The following PRELID2 variants were observed in gnomAD, a reference collection of about 807,000 sequenced individuals.
PRELID2 encodes the protein PRELI domain containing 2.
PRELID2 carries 25 observed loss-of-function variants against 28.4 expected under a neutral mutation model. The ratio of observed to expected loss-of-function variants is 0.88; its 90% CI spans 0.64 to 1.23. The LOEUF is 1.23. Ranked by LOEUF, PRELID2 falls within the 50% of genes most tolerant of loss-of-function variation. The probability of loss-of-function intolerance (pLI) is 0.00; values close to 1 mark genes in which losing one functional copy is unlikely to be tolerated. For missense variants in PRELID2, 201 were observed against 214.4 expected, an observed-to-expected ratio of 0.94 and a Z score of 0.39; for synonymous variants, 76 against 71.6, an observed-to-expected ratio of 1.06 and a Z score of -0.31.
intron 1 of PRELID2, among the ~76,000 whole-genome samples, chr5:145,602,317 T>C (rs1753410093): frequency 1.3e-5 from 2 of 152,224 alleles, no homozygotes; most frequent in South Asian, 4.1e-4. Context: ...TGGAAGGAAT[T>C]AATGCTAAAA....
chr5:145,358,757 G>C, the PRELID2 span, among the ~76,000 whole-genome samples: 76 of 152,256 alleles, frequency 5.0e-4, no homozygotes, highest in African/African-American at 1.8e-3. Context: ...AGTAGAAAGA[G>C]GTCTTGATTT....
At chr5:145,705,092 C>T (rs1237452947) in intron 1 of PRELID2, among the ~76,000 whole-genome samples, 1 of 152,102 alleles carries the variant, frequency 6.6e-6, no homozygotes, top group Non-Finnish European at 1.5e-5. Context: ...TAATGTCTAA[C>T]TCACTCGGAG....
In PRELID2 at chr5:145,601,262, G is replaced by C. The variant is rs544312236; in HGVS notation, n.71-127947C>G. ...TTTAGAGGATTTTCACAGCAGATTAGAAACAGTTGATGAAAAAACTGAAAT... is the reference window on the plus strand; with the variant it reads ...TTTAGAGGATTTTCACAGCAGATTACAAACAGTTGATGAAAAAACTGAAAT... On this transcript the variant is annotated intron_variant and non_coding_transcript_variant, in intron 1 of 2. Coordinates refer to the PRELID2 transcript ENST00000510259. 3.9e-5 allele frequency among the ~76,000 whole-genome samples: 6 copies of C among 152,106 alleles called. No individual in the cohort carries two copies. In the South Asian group the frequency reaches 1.2e-3, roughly 32 times the overall value.
At chr5:145,807,247 G>A (rs1434915225) in intron 4 of PRELID2, among the ~76,000 whole-genome samples, 1 of 152,174 alleles carries the variant, frequency 6.6e-6, no homozygotes, top group East Asian at 1.9e-4. Flanking sequence ...TGTAGGCAGT[G>A]TTGGACTGTA....
rs1757381793 is a variant in PRELID2, at chr5:145,759,741, A to G, written c.*795T>C. ...CACAAAATTACCTTCTTTAATCATC[A>G]TAACGCATTGGCGGAAAGACCTGTG... On this transcript the variant is annotated 3_prime_UTR_variant, in exon 7 of 7. Transcript: ENST00000683046. 1 of 152,244 alleles carries G rather than the reference A, an allele frequency of 6.6e-6. No individual in the cohort carries two copies. Among genetic ancestry groups the G allele is most frequent in the South Asian group, 2.1e-4 (1 of 4,830 alleles). The allele number at this position is 152,244 out of a possible 1,614,324, so 9.4% of individuals were successfully genotyped here. A position where few individuals can be genotyped will look rare whatever the true frequency, so the allele number is the denominator to read the frequency against.
intron 1 of PRELID2, among the ~76,000 whole-genome samples, chr5:145,530,085 T>C (rs1355140739): frequency 1.3e-5 from 2 of 152,146 alleles, no homozygotes; most frequent in African/African-American, 2.4e-5. Flanking sequence ...AGGGTACTAT[T>C]ATCCCTGTTT....
chr5:145,289,480 C>A, the PRELID2 span, among the ~76,000 whole-genome samples: 1 of 152,144 alleles, frequency 6.6e-6, no homozygotes, highest in East Asian at 1.9e-4. Context: ...GGGTATACCA[C>A]AGTTTGTGCA....
the PRELID2 span, among the ~76,000 whole-genome samples, chr5:145,337,686 A>AATATATGT: frequency 6.3e-5 from 5 of 79,868 alleles, no homozygotes; most frequent in African/African-American, 2.0e-4. Flanking sequence ...GCATAGGGCA[A>AATATATGT]ATATATATAT....
chr5:145,492,697 T>C (rs574525322), intron 1 of PRELID2, among the ~76,000 whole-genome samples: 7 of 141,336 alleles, frequency 5.0e-5, no homozygotes, highest in African/African-American at 1.7e-4. Flanking sequence ...TTTCTGAATA[T>C]AGTGTGAGAT....
At chr5:145,276,953 A>G in the PRELID2 span, among the ~76,000 whole-genome samples, 3,823 of 152,280 alleles carry the variant, frequency 0.025, 162 homozygotes, top group African/African-American at 0.087. Flanking sequence ...TCAAGGCAGC[A>G]CAGTGGTGAA....
intron 1 of PRELID2, among the ~76,000 whole-genome samples, chr5:145,609,773 C>T (rs933145367): frequency 1.3e-5 from 2 of 152,222 alleles, no homozygotes; most frequent in African/African-American, 4.8e-5. Context: ...CGGGCATTTC[C>T]TGCCTGGCTA....
the PRELID2 span, among the ~76,000 whole-genome samples, chr5:145,389,153 G>T: frequency 3.3e-5 from 5 of 152,032 alleles, no homozygotes; most frequent in African/African-American, 9.7e-5. Flanking sequence ...ACTTTCCTAT[G>T]GCTAAGAACC....
chr5:145,454,711 T>A, the PRELID2 span, among the ~76,000 whole-genome samples: 1 of 152,220 alleles, frequency 6.6e-6, no homozygotes, highest in African/African-American at 2.4e-5. Context: ...TACCTAGGAT[T>A]TGCATTCCTC....
the PRELID2 span, among the ~76,000 whole-genome samples, chr5:145,420,272 G>T: frequency 6.2e-4 from 94 of 152,214 alleles, 1 homozygote; most frequent in African/African-American, 2.1e-3. Flanking sequence ...TGTGAAGAAA[G>T]TCATTGGTAG....
intron 1 of PRELID2, among the ~76,000 whole-genome samples, chr5:145,583,129 G>A (rs1011112810): frequency 6.6e-6 from 1 of 152,154 alleles, no homozygotes; most frequent in Non-Finnish European, 1.5e-5. Flanking sequence ...ATGCAAGGTT[G>A]CTTCAACATA....
chr5:145,712,946 A>G (rs1755735377), intron 1 of PRELID2, among the ~76,000 whole-genome samples: 1 of 152,096 alleles, frequency 6.6e-6, no homozygotes. Flanking sequence ...TGATAAAAGC[A>G]GAGGAAAGGG....
At chr5:145,782,319 C>G (rs1751690297) in intron 5 of PRELID2, among the ~76,000 whole-genome samples, 1 of 152,226 alleles carries the variant, frequency 6.6e-6, no homozygotes, top group Non-Finnish European at 1.5e-5. Context: ...CACCTGGATT[C>G]AAATTCCAGC....
intron 1 of PRELID2, among the ~76,000 whole-genome samples, chr5:145,711,715 C>A (rs951889369): frequency 6.6e-6 from 1 of 151,414 alleles, no homozygotes; most frequent in Non-Finnish European, 1.5e-5. Flanking sequence ...TCCCTGAGTA[C>A]TTACGGCTGT....
the PRELID2 span, among the ~76,000 whole-genome samples, chr5:145,285,118 T>C: frequency 8.5e-5 from 13 of 152,194 alleles, no homozygotes; most frequent in South Asian, 1.9e-3. Flanking sequence ...CCCGAGTCTA[T>C]ATAATCAAAA....
Sources: gnomAD v4.1 joint callset for allele counts (sites outside exome capture counted in the v4.1 genomes callset) on GRCh38, gnomAD v4.1.1 for gene constraint, MANE v1.5 for transcripts, NCBI Gene and HGNC (gene_info 2026-07-23, HGNC 2026-07-21) for gene names.